Variants in ORC4 observed in about 807,000 individuals in gnomAD.
ORC4 encodes the protein origin recognition complex, subunit 4 homolog.
ORC4 carries 55 observed loss-of-function variants against 63.9 expected under a neutral mutation model. The ratio of observed to expected loss-of-function variants is 0.86; its 90% CI spans 0.69 to 1.08. The LOEUF (loss-of-function observed/expected upper bound fraction) is 1.08, where lower values mean the gene tolerates loss of function less well. Among genes scored for constraint, ORC4 ranks in the 50% least tolerant of loss-of-function variants. The pLI is 0.00. For missense variants in ORC4, 511 were observed against 504.4 expected (o/e 1.01, Z -0.13); for synonymous variants, 150 against 168.5 (o/e 0.89, Z 0.85).
intron 1 of ORC4, among the ~76,000 whole-genome samples, chr2:148,001,707 G>C (rs112084440): frequency 0.024 from 3,712 of 151,896 alleles, 76 homozygotes; most frequent in South Asian, 0.069. Flanking sequence ...TCAACTAACG[G>C]GCAAAATAAC....
intron 4 of ORC4, among the ~76,000 whole-genome samples, chr2:147,962,497 G>C (rs998793430): frequency 6.6e-6 from 1 of 152,050 alleles, no homozygotes; most frequent in Non-Finnish European, 1.5e-5. Context: ...ATTCCACCAA[G>C]CCCACATAGG....
intron 1 of ORC4, among the ~76,000 whole-genome samples, chr2:147,985,495 C>T (rs1035871436): frequency 6.6e-6 from 1 of 152,190 alleles, no homozygotes; most frequent in East Asian, 1.9e-4. Flanking sequence ...CGTGCCCAGC[C>T]TTAGTAAACT....
intron 1 of ORC4, among the ~76,000 whole-genome samples, chr2:148,012,722 T>C (rs1046005154): frequency 3.9e-5 from 6 of 151,982 alleles, no homozygotes; most frequent in Admixed American, 3.9e-4. Flanking sequence ...AACCAGAATA[T>C]ATAAGAATCT....
intron 3 of ORC4, 37 bp downstream of exon 3, chr2:147,973,411 G>C: frequency 8.2e-7 from 1 of 1,225,312 alleles, no homozygotes; most frequent in Non-Finnish European, 1.2e-6. Context: ...GCATCTGTAA[G>C]TAGGTCCATA....
At chr2:147,970,040 A>G (rs1349418321) in intron 4 of ORC4, among the ~76,000 whole-genome samples, 1 of 152,136 alleles carries the variant, frequency 6.6e-6, no homozygotes, top group African/African-American at 2.4e-5. Context: ...AATATAGAAA[A>G]GCCAAGTGTT....
chr2:147,959,997 A>AT (rs1689496077), intron 4 of ORC4, among the ~76,000 whole-genome samples: 1 of 151,986 alleles, frequency 6.6e-6, no homozygotes, highest in African/African-American at 2.4e-5. Context: ...AAAATTTTTT[A>AT]TTTTTTATTT....
intron 4 of ORC4, among the ~76,000 whole-genome samples, chr2:147,972,154 G>A (rs1211170505): frequency 6.6e-6 from 1 of 152,168 alleles, no homozygotes; most frequent in South Asian, 2.1e-4. Context: ...AGGGAAATAA[G>A]TAAGAATATC....
chr2:147,950,775 A>AG (rs1404350803), intron 8 of ORC4, among the ~76,000 whole-genome samples: 1 of 151,356 alleles, frequency 6.6e-6, no homozygotes, highest in African/African-American at 2.4e-5. Context: ...AAAAAAAAAA[A>AG]AAAAGAAAAA....
intron 10 of ORC4, among the ~76,000 whole-genome samples, chr2:147,940,629 G>T (rs1688317498): frequency 6.7e-6 from 1 of 149,528 alleles, no homozygotes; most frequent in African/African-American, 2.5e-5. Flanking sequence ...ATGGATATAT[G>T]GATATATATA....
chr2:148,007,871 A>T lies in ORC4; in HGVS notation c.-18+12762T>A, dbSNP rs558005088. Among the ~76,000 whole-genome samples, 8 of 152,360 alleles carry T rather than the reference A, an allele frequency of 5.3e-5. No homozygotes were observed. In the South Asian group the frequency reaches 1.4e-3, roughly 28 times the overall value. ...ATGAAGGAGTTATACTACATCTGGCAGCAAACTTCAGCAGAAACGCTACAG... is the reference window on the plus strand; with the variant it reads ...ATGAAGGAGTTATACTACATCTGGCTGCAAACTTCAGCAGAAACGCTACAG... On this transcript the variant is annotated intron_variant, in intron 1 of 13. Transcript: ENST00000392857.
rs1477558487 is a variant in ORC4, at chr2:147,999,339, T to TTA, written c.-18+21292_-18+21293dup. On this transcript the variant is annotated intron_variant, in intron 1 of 13. Transcript: ENST00000392857. Reference sequence around the variant, plus strand: ...GGGGAGGAGAGGATTAAGAGAGTGTTTATATATTGAACGTTGAGGCCCCCT... The same window carrying TTA: ...GGGGAGGAGAGGATTAAGAGAGTGTTTATATATATTGAACGTTGAGGCCCCCT... Among the ~76,000 whole-genome samples, 3 of 152,056 alleles carry TTA rather than the reference T, an allele frequency of 2.0e-5. No homozygotes were observed. The South Asian group carries it at 6.2e-4, about 32-fold the overall frequency.
At chr2:148,012,770 A>G (rs144572918) in intron 1 of ORC4, among the ~76,000 whole-genome samples, 2 of 152,322 alleles carry the variant, frequency 1.3e-5, no homozygotes, top group African/African-American at 4.8e-5. Context: ...TGATTTTAAA[A>G]TGGGCAAAAG....
intron 4 of ORC4, among the ~76,000 whole-genome samples, chr2:147,965,510 TCAA>T (rs1056366301): frequency 2.6e-5 from 4 of 152,130 alleles, no homozygotes; most frequent in Non-Finnish European, 4.4e-5. Context: ...AAGGATCAAT[TCAA>T]CAACAGAATA....
intron 1 of ORC4, among the ~76,000 whole-genome samples, chr2:148,003,642 A>G (rs535220909): frequency 5.4e-4 from 83 of 152,298 alleles, no homozygotes; most frequent in African/African-American, 1.9e-3. Flanking sequence ...TGACAAACCC[A>G]CGGCCAATAT....
chr2:147,972,850 CA>C, intron 3 of ORC4, 21 bp from the exon 4 acceptor site: 2 of 1,495,300 alleles, frequency 1.3e-6, no homozygotes, highest in Non-Finnish European at 1.9e-6. Flanking sequence ...ATAAATAGGA[CA>C]AAATTTTAAA....
chr2:147,964,090 A>G (rs1689759583), intron 4 of ORC4, among the ~76,000 whole-genome samples: 1 of 152,250 alleles, frequency 6.6e-6, no homozygotes, highest in South Asian at 2.1e-4. Context: ...AAAGGAAAAC[A>G]ATAATTCCTC....
intron 7 of ORC4, among the ~76,000 whole-genome samples, chr2:147,954,101 A>T (rs1248079379): frequency 2.6e-5 from 4 of 151,720 alleles, no homozygotes; most frequent in Admixed American, 6.6e-5. Context: ...GAATGTTTTT[A>T]TAATCTGAAG....
At chr2:148,001,996 A>AT (rs1692339941) in intron 1 of ORC4, among the ~76,000 whole-genome samples, 1 of 152,208 alleles carries the variant, frequency 6.6e-6, no homozygotes, top group South Asian at 2.1e-4. Flanking sequence ...ACCAACAAAG[A>AT]TAAAAAAAGA....
Position 147,930,740 on chromosome 2 carries a change from G to C in ORC4, c.*4770C>G, listed in dbSNP as rs1687673861. 1 of 152,102 alleles carries C rather than the reference G, an allele frequency of 6.6e-6. No individual in the cohort carries two copies. The highest frequency in any genetic ancestry group is 2.4e-5 in the African/African-American group (1 of 41,288). The allele number at this position is 152,102 out of a possible 1,614,324, so 9.4% of individuals were successfully genotyped here. On this transcript the variant is annotated 3_prime_UTR_variant, in exon 14 of 14. Transcript: ENST00000392857. ...AAAATCCCCATAAAACCCCACCTTG[G>C]ATAAGTGATTGTTAAATATTGTACA...
Sources: gnomAD v4.1 joint callset for allele counts (sites outside exome capture counted in the v4.1 genomes callset) on GRCh38, gnomAD v4.1.1 for gene constraint, MANE v1.5 for transcripts, NCBI Gene and HGNC (gene_info 2026-07-23, HGNC 2026-07-21) for gene names.